DCST1: variants seen among roughly 807,000 people sequenced by gnomAD.
DCST1 encodes DC-STAMP domain containing 1, also known as E3 ubiquitin-protein ligase DCST1.
In DCST1, 78 loss-of-function variants were observed where a neutral mutation model predicts 89.1. That is an observed-to-expected ratio of 0.88 (90% CI 0.73 to 1.06). DCST1 has a LOEUF of 1.06. DCST1 is among the 50% of genes least tolerant of loss of function. The pLI, the probability that DCST1 is intolerant of heterozygous loss-of-function variation, is 0.00. For synonymous variants in DCST1, 364 were observed against 371.9 expected (o/e 0.98, Z 0.24); for missense variants, 900 against 928.6 (o/e 0.97, Z 0.40).
At chr1:155,038,913 C>T (rs1660348038) in intron 4 of DCST1, among the ~76,000 whole-genome samples, 1 of 152,192 alleles carries the variant, frequency 6.6e-6, no homozygotes, top group Admixed American at 6.5e-5. Flanking sequence ...CTAAAACATA[C>T]CAGGCGGTAC....
At chr1:155,036,797 G>C (rs369750499) in intron 4 of DCST1, among the ~76,000 whole-genome samples, 127 of 152,354 alleles carry the variant, frequency 8.3e-4, no homozygotes, top group African/African-American at 2.9e-3. Flanking sequence ...CTTGCAGAGG[G>C]CAGTTCTTTT....
intron 6 of DCST1, among the ~76,000 whole-genome samples, chr1:155,041,011 G>C (rs1660422496): frequency 6.6e-6 from 1 of 152,072 alleles, no homozygotes; most frequent in Admixed American, 6.6e-5. Context: ...GGAGAGTTGG[G>C]GACATGGGGG....
chr1:155,047,174 C>G, intron 13 of DCST1, 22 bp from the exon 14 acceptor site: 1 of 1,600,054 alleles, frequency 6.2e-7, no homozygotes, highest in Non-Finnish European at 8.6e-7. Flanking sequence ...CCTGACTTCC[C>G]TACCTGTCCT....
At chr1:155,047,349 G>C in intron 14 of DCST1, 37 bp downstream of exon 14, 3 of 1,569,870 alleles carry the variant, frequency 1.9e-6, no homozygotes, top group Non-Finnish European at 2.6e-6. Flanking sequence ...GAGGAATCGA[G>C]GGCGGTGGGG....
At position 155,049,114 on chromosome 1, in the gene DCST1, G is replaced by T. The variant is rs143431998; in HGVS notation, c.1869+944G>T. The T allele has an allele frequency of 6.6e-5, 47 of 715,412 alleles. No individual in the cohort carries two copies. The African/African-American group carries it at 7.7e-4, about 12-fold the overall frequency. The allele number at this position is 715,412 out of a possible 1,614,324, so 44.3% of individuals were successfully genotyped here. A position where few individuals can be genotyped will look rare whatever the true frequency, so the allele number is the denominator to read the frequency against. ...AGGTGTGGGACTCCGGTGCCAGAGG[G>T]CCTAAGTGTGTATCCCGGCTCCTTC... On this transcript the variant is annotated intron_variant, in intron 16 of 16. Coordinates refer to ENST00000295542, the MANE Select transcript of DCST1 (RefSeq NM_152494.4).
At position 155,034,541 on chromosome 1, in the gene DCST1, T is replaced by C; in HGVS notation, c.168T>C (p.Ala56=). 1.2e-6 allele frequency: 2 copies of C among 1,613,556 alleles called. No individual in the cohort carries two copies. The highest frequency in any genetic ancestry group is 1.7e-6 in the Non-Finnish European group (2 of 1,179,964). ...CTGCTCTCCTGCTGGGGGCAGGCGC[T>C]GGGGGGCTCCTGGCCATAGGTGAGT... is the stretch of plus-strand genomic sequence containing the variant. The part of the protein sequence containing the change: ...PVTALLLGAG[A]GGLLAIGLFQ... Residue 56 remains alanine, a synonymous_variant, in exon 3 of 17, where the codon GCT becomes GCC. Transcript: ENST00000295542.
chr1:155,036,091 C>T (rs1325935542), intron 4 of DCST1, among the ~76,000 whole-genome samples: 3 of 148,038 alleles, frequency 2.0e-5, no homozygotes, highest in Admixed American at 2.0e-4. Context: ...ATCCTTTCCT[C>T]ATGTCTCTTT....
chr1:155,049,715 C>A (rs574335194), intron 16 of DCST1, among the ~76,000 whole-genome samples: 6 of 152,240 alleles, frequency 3.9e-5, no homozygotes, highest in Admixed American at 6.5e-5. Flanking sequence ...TTAGCTTTTT[C>A]CCTAGGGCCT....
intron 5 of DCST1, among the ~76,000 whole-genome samples, 168 bp from the exon 6 acceptor site, chr1:155,040,317 A>C (rs1207690726): frequency 2.6e-5 from 4 of 152,006 alleles, no homozygotes; most frequent in East Asian, 1.9e-4. Context: ...AAAAAAAAAA[A>C]AAAACAGTGA....
At position 155,046,109 on chromosome 1, in the gene DCST1, G is replaced by A. The variant is rs371811794; in HGVS notation, c.1273-16G>A. ...GGCCCTTGGGCTTCCTAACTGTGTG[G>A]ACATTTGTTTTCCAGGGCAAACGGA... On this transcript the variant is annotated splice_polypyrimidine_tract_variant and intron_variant, in intron 11 of 16. Transcript: ENST00000295542. The A allele has an allele frequency of 1.2e-6, 2 of 1,614,178 alleles. No individual in the cohort carries two copies. The highest frequency in any genetic ancestry group is 1.7e-6 in the Non-Finnish European group (2 of 1,180,038).
At chr1:155,037,044 G>A (rs1032324799) in intron 4 of DCST1, among the ~76,000 whole-genome samples, 8 of 35,714 alleles carry the variant, frequency 2.2e-4, no homozygotes, top group African/African-American at 3.8e-4. Context: ...TTACAGGCGT[G>A]AGCCACCAAC....
Position 155,050,608 on chromosome 1 carries a change from T to C in DCST1, c.1870-9T>C. On this transcript the variant is annotated splice_polypyrimidine_tract_variant and intron_variant, in intron 16 of 16. Transcript: ENST00000295542. ...TCCCGGGCTGGCGCTAACGCCCACC[T>C]CCCAACAGCGCCACCCGCTGGCGGA... 6.4e-7 allele frequency: 1 copy of C among 1,572,458 alleles called. No individual in the cohort carries two copies. The highest frequency in any genetic ancestry group is 1.1e-5 in the South Asian group (1 of 88,316).
chr1:155,034,652 G>A lies in DCST1; in HGVS notation c.188-1G>A. 1.2e-6 allele frequency: 2 copies of A among 1,614,176 alleles called. No individual in the cohort carries two copies. Among genetic ancestry groups the A allele is most frequent in the South Asian group, 2.2e-5 (2 of 91,080 alleles). Reference sequence around the variant, plus strand: ...CCTTTGGCTTGACCTTGTGCCCTTAGGTCTCTTTCAGCTCCTGGTGAACCC... The same window carrying A: ...CCTTTGGCTTGACCTTGTGCCCTTAAGTCTCTTTCAGCTCCTGGTGAACCC... On this transcript the variant is annotated splice_acceptor_variant, in intron 3 of 16. Coordinates refer to ENST00000295542, the MANE Select transcript of DCST1 (RefSeq NM_152494.4). LOFTEE classifies it high-confidence loss of function.
At chr1:155,050,317 TG>T (rs1660865862) in intron 16 of DCST1, among the ~76,000 whole-genome samples, 1 of 152,252 alleles carries the variant, frequency 6.6e-6, no homozygotes, top group African/African-American at 2.4e-5. Context: ...ATAGTCGATC[TG>T]GCCTGCTCAC....
chr1:155,044,468 G>A (rs1380836593), intron 10 of DCST1, among the ~76,000 whole-genome samples: 1 of 134,866 alleles, frequency 7.4e-6, no homozygotes, highest in African/African-American at 2.8e-5. Context: ...GTGTCAGAGT[G>A]AGAGCTTGTC....
In DCST1 at chr1:155,034,666, C is replaced by T. The variant is rs752052385; in HGVS notation, c.201C>T (p.Leu67=). ...GGLLAIGLFQ[L]LVNPMNIYEE... ...TTGTGCCCTTAGGTCTCTTTCAGCT[C>T]CTGGTGAACCCCATGAACATCTACG... Residue 67 remains leucine, a synonymous_variant, in exon 4 of 17, where the codon CTC becomes CTT. Coordinates refer to ENST00000295542, the MANE Select transcript of DCST1 (RefSeq NM_152494.4). 3.1e-6 allele frequency: 5 copies of T among 1,614,196 alleles called. No individual in the cohort carries two copies. Among genetic ancestry groups the T allele is most frequent in the Middle Eastern group, 3.3e-4 (2 of 6,062 alleles).
chr1:155,049,135 C>A, intron 16 of DCST1: 1 of 710,812 alleles, frequency 1.4e-6, no homozygotes, highest in South Asian at 1.5e-5. Flanking sequence ...TATCCCGGCT[C>A]CTTCCCTCAT....
Position 155,047,942 on chromosome 1 carries a change from C to T in DCST1, c.1755+13C>T. Reference sequence around the variant, plus strand: ...CTACTTCCCCAAGGTTTGCCCCTCCCCAGACCTCTCCACCCCTACACACCT... The same window carrying T: ...CTACTTCCCCAAGGTTTGCCCCTCCTCAGACCTCTCCACCCCTACACACCT... On this transcript the variant is annotated intron_variant, in intron 15 of 16. Transcript: ENST00000295542. 6.2e-7 allele frequency: 1 copy of T among 1,613,966 alleles called. No individual in the cohort carries two copies. The highest frequency in any genetic ancestry group is 8.5e-7 in the Non-Finnish European group (1 of 1,179,936).
chr1:155,033,873 T>C lies in DCST1; in HGVS notation c.-66+19T>C. On this transcript the variant is annotated intron_variant, in intron 1 of 16. Transcript: ENST00000295542. ...GGGATAGGTAGGTCTCTAATCTCCT[T>C]CCCCACTTCTCGGAGCAGAAGGATT... 1 of 1,268,476 alleles carries C rather than the reference T, an allele frequency of 7.9e-7. No individual in the cohort carries two copies. Among genetic ancestry groups the C allele is most frequent in the Non-Finnish European group, 1.1e-6 (1 of 917,622 alleles). 78.6% of individuals were successfully genotyped at this position (1,268,476 alleles called of 1,614,324 possible).
Sources: allele counts gnomAD v4.1 joint callset (sites outside exome capture counted in the v4.1 genomes callset), GRCh38; gene constraint gnomAD v4.1.1; transcripts MANE v1.5; gene names NCBI Gene and HGNC (gene_info 2026-07-23, HGNC 2026-07-21).